The following TMTC2 variants were observed in gnomAD, a reference collection of about 807,000 sequenced individuals.
The protein encoded by TMTC2 is protein O-mannosyl-transferase TMTC2.
In TMTC2, 43 loss-of-function variants were observed where a neutral mutation model predicts 82.4. That is an observed-to-expected ratio of 0.52 (90% CI 0.41 to 0.67). The LOEUF is 0.67. TMTC2 is among the 30% of genes least tolerant of loss of function. TMTC2 has a pLI of 0.00. For missense variants in TMTC2, 919 were observed against 1,012.4 expected (o/e 0.91, Z 1.25); for synonymous variants, 408 against 381.9 (o/e 1.07, Z -0.80).
intron 1 of TMTC2, among the ~76,000 whole-genome samples, chr12:82,723,617 A>G (rs994333936): frequency 3.3e-5 from 5 of 152,196 alleles, no homozygotes; most frequent in African/African-American, 1.2e-4. Flanking sequence ...CTGTACCTGC[A>G]TTTTGACTAT....
chr12:83,016,078 A>T (rs140920603), intron 8 of TMTC2, among the ~76,000 whole-genome samples: 32 of 152,344 alleles, frequency 2.1e-4, no homozygotes, highest in African/African-American at 7.2e-4. Flanking sequence ...GTGACTCAAG[A>T]ATCTTTAGCC....
intron 4 of TMTC2, among the ~76,000 whole-genome samples, chr12:82,945,355 C>A (rs1876939910): frequency 6.6e-6 from 1 of 152,138 alleles, no homozygotes; most frequent in African/African-American, 2.4e-5. Context: ...CATTTTTCTG[C>A]AATCTCATTA....
intron 1 of TMTC2, among the ~76,000 whole-genome samples, chr12:82,727,696 G>GCAAT (rs1874531754): frequency 6.6e-6 from 1 of 151,222 alleles, no homozygotes; most frequent in African/African-American, 2.4e-5. Flanking sequence ...ACTCCAGCGT[G>GCAAT]GGCAACAGAG....
At chr12:83,097,965 T>C (rs1337365283) in intron 11 of TMTC2, among the ~76,000 whole-genome samples, 1 of 152,186 alleles carries the variant, frequency 6.6e-6, no homozygotes, top group East Asian at 1.9e-4. Context: ...ACTTTGGATT[T>C]TATTTTAAGT....
intron 11 of TMTC2, among the ~76,000 whole-genome samples, chr12:83,124,504 AT>A (rs1469756265): frequency 6.6e-6 from 1 of 152,108 alleles, no homozygotes; most frequent in Non-Finnish European, 1.5e-5. Context: ...CAATTAATGC[AT>A]GTAGACAGCA....
At chr12:83,048,169 T>A (rs1333053777) in intron 9 of TMTC2, among the ~76,000 whole-genome samples, 1 of 152,222 alleles carries the variant, frequency 6.6e-6, no homozygotes, top group East Asian at 1.9e-4. Context: ...AAAAGCAGTT[T>A]ATAATAACTA....
At chr12:82,923,552 G>A (rs1875516970) in intron 3 of TMTC2, among the ~76,000 whole-genome samples, 1 of 151,860 alleles carries the variant, frequency 6.6e-6, no homozygotes, top group African/African-American at 2.4e-5. Flanking sequence ...TTTTTAAGAA[G>A]TTCTTTTCCA....
intron 11 of TMTC2, among the ~76,000 whole-genome samples, chr12:83,096,910 T>G (rs1251504346): frequency 6.6e-6 from 1 of 152,234 alleles, no homozygotes; most frequent in Non-Finnish European, 1.5e-5. Context: ...AGTTGCACCC[T>G]ACACTTTGCC....
chr12:82,721,309 A>C (rs1200618335), intron 1 of TMTC2, among the ~76,000 whole-genome samples: 1 of 152,196 alleles, frequency 6.6e-6, no homozygotes, highest in African/African-American at 2.4e-5. Context: ...GACGAAGCTC[A>C]TATTTTTGCA....
At chr12:82,794,713 T>C (rs953633740) in intron 1 of TMTC2, among the ~76,000 whole-genome samples, 1 of 152,142 alleles carries the variant, frequency 6.6e-6, no homozygotes, top group African/African-American at 2.4e-5. Flanking sequence ...ATTAAGGGAA[T>C]AGAGTGTGAA....
intron 1 of TMTC2, among the ~76,000 whole-genome samples, chr12:82,806,819 T>C (rs1879265923): frequency 6.6e-6 from 1 of 152,136 alleles, no homozygotes; most frequent in South Asian, 2.1e-4. Context: ...GGGGGGTTGG[T>C]CTTGCTGTGT....
chr12:83,074,524 C>G (rs1387949332), intron 11 of TMTC2, among the ~76,000 whole-genome samples: 3 of 152,064 alleles, frequency 2.0e-5, no homozygotes, highest in African/African-American at 7.2e-5. Flanking sequence ...TGCAGCTGCT[C>G]TAGGGGATGG....
At chr12:83,056,612 C>T (rs11834806) in intron 10 of TMTC2, among the ~76,000 whole-genome samples, 1,705 of 151,954 alleles carry the variant, frequency 0.011, 38 homozygotes, top group African/African-American at 0.039. Flanking sequence ...TGTGTGCTTA[C>T]GTGTGTGTAT....
intron 1 of TMTC2, among the ~76,000 whole-genome samples, chr12:82,748,006 C>A (rs1400055479): frequency 1.3e-5 from 2 of 152,144 alleles, no homozygotes; most frequent in Admixed American, 6.5e-5. Context: ...ATCTAATTAA[C>A]CGTAGTTTTT....
At chr12:82,950,784 C>T (rs747510683) in intron 4 of TMTC2, among the ~76,000 whole-genome samples, 10 of 152,088 alleles carry the variant, frequency 6.6e-5, no homozygotes, top group Non-Finnish European at 1.5e-4. Context: ...TCTTTAGACT[C>T]TTAAGGAAAA....
At chr12:83,099,798 A>T (rs1283997113) in intron 11 of TMTC2, among the ~76,000 whole-genome samples, 4 of 151,438 alleles carry the variant, frequency 2.6e-5, no homozygotes, top group Non-Finnish European at 5.9e-5. Flanking sequence ...CTCACTCTTG[A>T]TCTAGTTTTA....
At chr12:82,994,209 G>A (rs886650770) in intron 8 of TMTC2, among the ~76,000 whole-genome samples, 2 of 152,128 alleles carry the variant, frequency 1.3e-5, no homozygotes, top group African/African-American at 4.8e-5. Flanking sequence ...CCAGGCTGGA[G>A]TGCAGTGGCA....
chr12:82,900,580 CGGAATATAGATATGTAGGAATATATATA>C (rs1873931784), intron 3 of TMTC2, among the ~76,000 whole-genome samples: 1 of 131,392 alleles, frequency 7.6e-6, no homozygotes, highest in Non-Finnish European at 1.6e-5. Flanking sequence ...TATACATATC[CGGAATATAGATATGTAGGAATATATATA>C]GGAATATATA....
intron 3 of TMTC2, among the ~76,000 whole-genome samples, chr12:82,922,081 T>G (rs1426537759): frequency 6.6e-6 from 1 of 152,144 alleles, no homozygotes; most frequent in African/African-American, 2.4e-5. Context: ...CACTCCAGCC[T>G]GGGCAACAGG....
Sources: gnomAD v4.1 joint callset for allele counts (sites outside exome capture counted in the v4.1 genomes callset) on GRCh38, gnomAD v4.1.1 for gene constraint, MANE v1.5 for transcripts, NCBI Gene and HGNC (gene_info 2026-07-23, HGNC 2026-07-21) for gene names.